MYLIP: variants seen among roughly 807,000 people sequenced by gnomAD.
MYLIP encodes E3 ubiquitin-protein ligase MYLIP.
In MYLIP, 26 loss-of-function variants were observed where a neutral mutation model predicts 45.8. The observed-to-expected ratio is 0.57, with a 90% CI of 0.42 to 0.79. The LOEUF (loss-of-function observed/expected upper bound fraction) is 0.79, where lower values mean the gene tolerates loss of function less well. MYLIP is among the 30% of genes least tolerant of loss of function. The pLI, the probability that MYLIP is intolerant of heterozygous loss-of-function variation, is 0.00. For missense variants in MYLIP, 494 were observed against 555.6 expected (o/e 0.89, Z 1.11); for synonymous variants, 213 against 218.1 (o/e 0.98, Z 0.21).
chr6:16,151,113 G>C (rs1195628731), downstream of MYLIP, among the ~76,000 whole-genome samples: 10 of 152,104 alleles, frequency 6.6e-5, no homozygotes, highest in Non-Finnish European at 2.9e-5. Context: ...ACTTTGGGAG[G>C]CCGAGGCGGG....
At position 16,132,465 on chromosome 6, in the gene MYLIP, C is replaced by A. The variant is rs956581114; in HGVS notation, c.278+1718C>A. Among the ~76,000 whole-genome samples the A allele has an allele frequency of 2.0e-5, 3 of 152,242 alleles. No individual in the cohort carries two copies. The South Asian group carries it at 6.2e-4, about 32-fold the overall frequency. On this transcript the variant is annotated intron_variant, in intron 2 of 6. Coordinates refer to ENST00000356840, the MANE Select transcript of MYLIP (RefSeq NM_013262.4). ...TAATAGTACTCAAAGAATGTACATACCTAGTTCAACTAGGTAATTTTAATT... is the reference window on the plus strand; with the variant it reads ...TAATAGTACTCAAAGAATGTACATAACTAGTTCAACTAGGTAATTTTAATT...
intron 4 of MYLIP, 68 bp downstream of exon 4, chr6:16,143,285 A>G (rs1759714301): frequency 1.4e-6 from 2 of 1,469,510 alleles, no homozygotes; most frequent in Non-Finnish European, 1.9e-6. Context: ...ATGTAATAGA[A>G]AATAGGAAGG....
rs749285467 is a variant in MYLIP, at chr6:16,129,385, C to G, written c.63C>G (p.Ala21=). ...TGGAGGTGGAGGTGGAGGCGAAAGC[C>G]AACGGCGAGGACTGCCTCAACCAGG... ...VLMEVEVEAK[A]NGEDCLNQVC... is the part of the protein sequence containing the mutation. Residue 21 remains alanine (A), a synonymous_variant, in exon 1 of 7, where the codon GCC becomes GCG. Coordinates refer to ENST00000356840, the MANE Select transcript of MYLIP (RefSeq NM_013262.4). The surrounding 1 kb of genome is among the most constrained non-coding windows in gnomAD (Gnocchi z 5.1). The G allele has an allele frequency of 6.3e-7, 1 of 1,593,322 alleles. No homozygotes were observed.
chr6:16,163,121 C>G, the MYLIP span, among the ~76,000 whole-genome samples: 142 of 152,284 alleles, frequency 9.3e-4, 1 homozygote, highest in African/African-American at 3.2e-3. Flanking sequence ...GATCCCAGAG[C>G]CTCAGGCCAC....
rs1472246782 is a variant in MYLIP, at chr6:16,129,564, GGGCGCGCGGTCTCCTCCT to G, written c.87+164_87+181del. ...GCGTCCCCTCCTCTCCACGGGCGTG[GGGCGCGCGGTCTCCTCCT>G]GGCGCGCGTGGGGTGCGCGGAGAAA... On this transcript the variant is annotated intron_variant, in intron 1 of 6. Transcript: ENST00000356840. The surrounding 1 kb of genome is among the most constrained non-coding windows in gnomAD (Gnocchi z 5.1). 3.3e-5 allele frequency among the ~76,000 whole-genome samples: 5 copies of G among 152,108 alleles called. No individual in the cohort carries two copies. The highest frequency in any genetic ancestry group is 1.5e-5 in the Non-Finnish European group (1 of 67,986).
Position 16,143,234 on chromosome 6 carries a change from C to T in MYLIP, c.662+17C>T, listed in dbSNP as rs1433852488. 10 of 1,613,090 alleles carry T rather than the reference C, an allele frequency of 6.2e-6. No homozygotes were observed. The highest frequency in any genetic ancestry group is 8.5e-6 in the Non-Finnish European group (10 of 1,179,222). On this transcript the variant is annotated intron_variant, in intron 4 of 6. Transcript: ENST00000356840. Reference sequence around the variant, plus strand: ...AATTAATAGGTAAGCCAAGACTTAACTTTTTTTGACCTAAGCATGTGTATA... The same window carrying T: ...AATTAATAGGTAAGCCAAGACTTAATTTTTTTTGACCTAAGCATGTGTATA...
chr6:16,131,029 GAAA>G (rs11394742), intron 2 of MYLIP, among the ~76,000 whole-genome samples: 95 of 115,232 alleles, frequency 8.2e-4, no homozygotes, highest in East Asian at 1.9e-3. Context: ...GCTACCCCAG[GAAA>G]AAAAAAAAAA....
At chr6:16,146,118 G>A (rs950997590) in intron 6 of MYLIP, among the ~76,000 whole-genome samples, 1 of 152,136 alleles carries the variant, frequency 6.6e-6, no homozygotes, top group African/African-American at 2.4e-5. Context: ...CACCTATTCT[G>A]ACTCTCATCC....
In MYLIP at chr6:16,148,126, C is replaced by G. The variant is rs534817839; in HGVS notation, c.*1375C>G. 1.9e-4 allele frequency: 29 copies of G among 152,640 alleles called. No individual in the cohort carries two copies. Among genetic ancestry groups the G allele is most frequent in the African/African-American group, 6.5e-4 (27 of 41,532 alleles). The allele number at this position is 152,640 out of a possible 1,614,324, so 9.5% of individuals were successfully genotyped here. On this transcript the variant is annotated 3_prime_UTR_variant, in exon 7 of 7. Coordinates refer to ENST00000356840, the MANE Select transcript of MYLIP (RefSeq NM_013262.4). The stretch of plus-strand genomic sequence containing the variant: ...TTATGGCACATATTAGCATATAAGC[C>G]TTTATTCCAAGAGGTATTTATTTTT...
rs1759703465 is a variant in MYLIP, at chr6:16,142,949, A to G, written c.465-71A>G. On this transcript the variant is annotated intron_variant, in intron 3 of 6. Transcript: ENST00000356840. Reference sequence around the variant, plus strand: ...TCAGTGTTAGTATATTTCACTCGTGAAGACTACATAGGTTTATCTCTAAAG... The same window carrying G: ...TCAGTGTTAGTATATTTCACTCGTGGAGACTACATAGGTTTATCTCTAAAG... The G allele has an allele frequency of 5.0e-5, 72 of 1,447,714 alleles. 2 individuals are homozygous for G. The South Asian group carries it at 8.6e-4, about 17-fold the overall frequency. The allele number at this position is 1,447,714 out of a possible 1,614,324, so 89.7% of individuals were successfully genotyped here.
chr6:16,134,475 C>A (rs1402192457), intron 2 of MYLIP, among the ~76,000 whole-genome samples: 1 of 152,144 alleles, frequency 6.6e-6, no homozygotes, highest in African/African-American at 2.4e-5. Flanking sequence ...TCTTTCACCC[C>A]CTCTACACCA....
At chr6:16,157,395 C>A in the MYLIP span, among the ~76,000 whole-genome samples, 1 of 152,218 alleles carries the variant, frequency 6.6e-6, no homozygotes, top group Non-Finnish European at 1.5e-5. Flanking sequence ...TCCTTCATAG[C>A]ATTTATCACT....
chr6:16,135,389 T>G (rs1252678202), intron 2 of MYLIP, among the ~76,000 whole-genome samples: 1 of 152,326 alleles, frequency 6.6e-6, no homozygotes, highest in East Asian at 1.9e-4. Flanking sequence ...ACTTTTGAAG[T>G]TGGAAATTTT....
chr6:16,138,180 G>A (rs1759593611), intron 2 of MYLIP, among the ~76,000 whole-genome samples: 1 of 152,156 alleles, frequency 6.6e-6, no homozygotes. Flanking sequence ...CTTTCTGTTT[G>A]TGATTCTAGG....
chr6:16,136,713 GA>G (rs1191484367), intron 2 of MYLIP, among the ~76,000 whole-genome samples: 1 of 152,220 alleles, frequency 6.6e-6, no homozygotes, highest in African/African-American at 2.4e-5. Flanking sequence ...AAGAATGTAA[GA>G]GTCTAGTTCC....
At chr6:16,150,546 C>T (rs1373424946), downstream of MYLIP, among the ~76,000 whole-genome samples, 1 of 152,088 alleles carries the variant, frequency 6.6e-6, no homozygotes, top group Non-Finnish European at 1.5e-5. Context: ...AGGGCCTCTC[C>T]TATGCACTAC....
chr6:16,142,030 T>G (rs1759684419), intron 3 of MYLIP, among the ~76,000 whole-genome samples: 1 of 152,106 alleles, frequency 6.6e-6, no homozygotes, highest in Admixed American at 6.5e-5. Flanking sequence ...GACCAAAGGG[T>G]ATCCAAGCAA....
In MYLIP at chr6:16,147,247, GT is replaced by G. The variant is rs1376460056; in HGVS notation, c.*497del. The G allele has an allele frequency of 1.9e-5, 3 of 154,100 alleles. No homozygotes were observed. The highest frequency in any genetic ancestry group is 7.2e-5 in the African/African-American group (3 of 41,444). The allele number at this position is 154,100 out of a possible 1,614,324, so 9.5% of individuals were successfully genotyped here. ...TTTTGTAAATTGTTGTCGTTTTAAT[GT>G]CATTTCTGTCTTTATAACTTGATCA... On this transcript the variant is annotated 3_prime_UTR_variant, in exon 7 of 7. Coordinates refer to ENST00000356840, the MANE Select transcript of MYLIP (RefSeq NM_013262.4).
the MYLIP span, among the ~76,000 whole-genome samples, chr6:16,160,326 G>T: frequency 1.3e-5 from 2 of 152,132 alleles, no homozygotes; most frequent in Admixed American, 6.5e-5. Context: ...TCTTCTCCCT[G>T]ACTCTGCTTC....
Sources: allele counts gnomAD v4.1 joint callset (sites outside exome capture counted in the v4.1 genomes callset), GRCh38; gene constraint gnomAD v4.1.1; non-coding constraint Gnocchi (gnomAD v3.1); transcripts MANE v1.5; gene names NCBI Gene and HGNC (gene_info 2026-07-23, HGNC 2026-07-21).